Variants in UTP20 observed in about 807,000 individuals in gnomAD.
The protein encoded by UTP20 is small subunit processome component 20 homolog.
A neutral mutation model predicts 329.5 loss-of-function variants in UTP20; 164 were observed. The ratio of observed to expected loss-of-function variants is 0.50; its 90% CI spans 0.44 to 0.57. The LOEUF (loss-of-function observed/expected upper bound fraction) is 0.57, where lower values mean the gene tolerates loss of function less well. Among genes scored for constraint, UTP20 ranks in the 20% least tolerant of loss-of-function variants. The pLI is 0.00. For synonymous variants in UTP20, 1,151 were observed against 1,159.3 expected (o/e 0.99, Z 0.14); for missense variants, 3,055 against 3,284.2 (o/e 0.93, Z 1.71).
At position 101,345,673 on chromosome 12, in the gene UTP20, T is replaced by G. The variant is rs1482570821; in HGVS notation, c.4725T>G (p.Phe1575Leu). The change falls in exon 37 of 62, where the codon TTT (phenylalanine) becomes TTG (leucine). Residue 1575 changes from phenylalanine to leucine, a missense_variant. By Grantham distance (22) the Phe-to-Leu change is conservative. This residue lies in a region of UTP20 where 2,445 missense variants were observed against 2,575.5 expected (regional missense o/e 0.95). Transcript: ENST00000261637. Reference protein sequence around the residue: ...THYHDPEMDFFENMKHIQIHR... With the variant: ...THYHDPEMDFLENMKHIQIHR... The stretch of plus-strand genomic sequence containing the variant: ...ACCATGACCCAGAAATGGACTTCTT[T>G]GAGAACATGAAGCACATTCAGGTAG... The G allele has an allele frequency of 6.2e-7, 1 of 1,609,520 alleles. No homozygotes were observed. The highest frequency in any genetic ancestry group is 1.7e-5 in the Admixed American group (1 of 58,714).
At chr12:101,369,960 T>C in intron 49 of UTP20, 69 bp downstream of exon 49, 1 of 1,483,304 alleles carries the variant, frequency 6.7e-7, no homozygotes, top group Non-Finnish European at 9.1e-7. Flanking sequence ...GTACCTATAA[T>C]CCCAGCACTT....
At chr12:101,361,603 G>A (rs556467918) in intron 43 of UTP20, among the ~76,000 whole-genome samples, 103 of 151,442 alleles carry the variant, frequency 6.8e-4, no homozygotes, top group Non-Finnish European at 1.1e-3. Context: ...TCCAGCCTGC[G>A]CTACAAGAGC....
At position 101,383,816 on chromosome 12, in the gene UTP20, TTA is replaced by T. The variant is rs981471956; in HGVS notation, c.8056+153_8056+154del. 128 of 248,834 alleles carry T rather than the reference TTA, an allele frequency of 5.1e-4. 1 individual carries two copies. In the Middle Eastern group the frequency reaches 0.011, roughly 21 times the overall value. 15.4% of individuals were successfully genotyped at this position (248,834 alleles called of 1,614,324 possible). On this transcript the variant is annotated intron_variant, in intron 60 of 61. Transcript: ENST00000261637. The stretch of plus-strand genomic sequence containing the variant: ...TATATTTTAATTATATATTATATAC[TTA>T]TATATGTTTATATTTATATATATAC...
intron 36 of UTP20, 88 bp from the exon 37 acceptor site, chr12:101,345,466 T>G (rs1869291495): frequency 1.0e-6 from 1 of 990,790 alleles, no homozygotes; most frequent in Non-Finnish European, 1.4e-6. Flanking sequence ...ATTTTACTTT[T>G]TAAAATTTTA....
chr12:101,370,844 A>G (rs1317690225), intron 50 of UTP20, among the ~76,000 whole-genome samples: 4 of 152,176 alleles, frequency 2.6e-5, no homozygotes, highest in African/African-American at 4.8e-5. Context: ...CATAACATAA[A>G]ACTCACCATT....
chr12:101,286,245 C>A, intron 4 of UTP20, 76 bp from the exon 5 acceptor site: 2 of 1,292,620 alleles, frequency 1.5e-6, no homozygotes, highest in Non-Finnish European at 2.1e-6. Flanking sequence ...TGATCATAGG[C>A]CACCTACTAT....
chr12:101,365,502 A>G lies in UTP20; in HGVS notation c.6002A>G (p.His2001Arg), dbSNP rs948183973. ...TTSLKLARKV[H>R]ETLRRITVGL... Reference sequence around the variant, plus strand: ...AGTTTGAAACTGGCCCGGAAAGTTCATGAAACTTTACGCCGAATCACAGTG... The same window carrying G: ...AGTTTGAAACTGGCCCGGAAAGTTCGTGAAACTTTACGCCGAATCACAGTG... The change falls in exon 46 of 62, where the codon CAT becomes CGT. Residue 2001 changes from histidine to arginine, a missense_variant. Around this residue, in one of 3 missense-constraint regions of UTP20, gnomAD observed 2,445 missense variants for 2,575.5 expected, o/e 0.95. Transcript: ENST00000261637. The G allele has an allele frequency of 6.2e-6, 10 of 1,611,784 alleles. No homozygotes were observed. Among genetic ancestry groups the G allele is most frequent in the Non-Finnish European group, 8.5e-6 (10 of 1,179,432 alleles).
At chr12:101,375,809 C>G (rs531016637) in intron 56 of UTP20, 53 bp downstream of exon 56, 26 of 1,142,700 alleles carry the variant, frequency 2.3e-5, no homozygotes, top group Admixed American at 8.9e-5. Context: ...CATAGAATTA[C>G]TGAAAGTAGA....
At chr12:101,343,878 A>G (rs189674113) in intron 35 of UTP20, among the ~76,000 whole-genome samples, 114 of 152,340 alleles carry the variant, frequency 7.5e-4, no homozygotes, top group Admixed American at 1.2e-3. Context: ...TAAACATGCA[A>G]CTATACTAAT....
At chr12:101,293,106 C>T in intron 10 of UTP20, 62 bp from the exon 11 acceptor site, 1 of 1,524,966 alleles carries the variant, frequency 6.6e-7, no homozygotes, top group Non-Finnish European at 9.1e-7. Flanking sequence ...TAGCTGCTTG[C>T]TGGGGGGATG....
At chr12:101,363,159 ATAAT>A (rs201971480) in intron 44 of UTP20, among the ~76,000 whole-genome samples, 2,251 of 150,810 alleles carry the variant, frequency 0.015, 802 homozygotes, top group African/African-American at 0.054. Flanking sequence ...AATTAGACTA[ATAAT>A]TAATTAGATT....
Position 101,320,773 on chromosome 12 carries a change from G to A in UTP20, c.2830-79G>A, listed in dbSNP as rs533942816. The A allele has an allele frequency of 1.3e-5, 16 of 1,261,536 alleles. No homozygotes were observed. The African/African-American group carries it at 1.5e-4, about 12-fold the overall frequency. The allele number at this position is 1,261,536 out of a possible 1,614,324, so 78.1% of individuals were successfully genotyped here. A position where few individuals can be genotyped will look rare whatever the true frequency, so the allele number is the denominator to read the frequency against. On this transcript the variant is annotated intron_variant, in intron 23 of 61. Coordinates refer to ENST00000261637, the MANE Select transcript of UTP20 (RefSeq NM_014503.3). ...TTTAGAATTTTTCAAATCTCATTTA[G>A]CAAATAACCACAAGTAAATTGCTAT...
intron 31 of UTP20, among the ~76,000 whole-genome samples, chr12:101,339,261 C>T (rs935021206): frequency 5.3e-5 from 8 of 151,898 alleles, no homozygotes; most frequent in South Asian, 2.1e-4. Flanking sequence ...TGCAGTGAGC[C>T]GAGATCGCGC....
At position 101,293,161 on chromosome 12, in the gene UTP20, G is replaced by A; in HGVS notation, c.1174-7G>A. 6.2e-7 allele frequency: 1 copy of A among 1,613,492 alleles called. No individual in the cohort carries two copies. Among genetic ancestry groups the A allele is most frequent in the Non-Finnish European group, 8.5e-7 (1 of 1,179,526 alleles). On this transcript the variant is annotated splice_polypyrimidine_tract_variant and splice_region_variant and intron_variant, in intron 10 of 61. Transcript: ENST00000261637. ...ACTTACATTAATATTTTTTACCTTG[G>A]TCACAGATATTTGAGAGCAGATTTG...
chr12:101,383,641 G>A lies in UTP20; in HGVS notation c.8028G>A (p.Arg2676=), dbSNP rs2121070320. ...CAATGATCATAGCTCCTTTGTTTCG[G>A]GAACTCAACAGCACCTATTCAGAGC... The part of the protein sequence containing the change: ...YLPMIIAPLF[R]ELNSTYSEQD... The change falls in exon 60 of 62, where the codon CGG becomes CGA. Residue 2676 remains arginine (R), a synonymous_variant. Coordinates refer to ENST00000261637, the MANE Select transcript of UTP20 (RefSeq NM_014503.3). The A allele has an allele frequency of 1.2e-6, 2 of 1,613,408 alleles. No homozygotes were observed. The highest frequency in any genetic ancestry group is 1.7e-6 in the Non-Finnish European group (2 of 1,179,650).
intron 1 of UTP20, 95 bp downstream of exon 1, chr12:101,280,422 G>A: frequency 6.9e-7 from 1 of 1,456,846 alleles, no homozygotes; most frequent in South Asian, 1.2e-5. Flanking sequence ...CAGACTTCTG[G>A]GCCGAGTGTG....
At chr12:101,324,794 G>T (rs552555854) in intron 25 of UTP20, among the ~76,000 whole-genome samples, 3 of 152,132 alleles carry the variant, frequency 2.0e-5, no homozygotes, top group African/African-American at 7.2e-5. Flanking sequence ...CTTTTGATTT[G>T]AGGAGAAGTT....
At chr12:101,340,746 T>C in intron 32 of UTP20, 136 bp downstream of exon 32, 1 of 606,750 alleles carries the variant, frequency 1.6e-6, no homozygotes, top group Non-Finnish European at 2.9e-6. Flanking sequence ...TATATAGAAA[T>C]TAAAAAAATT....
chr12:101,345,567 A>T lies in UTP20; in HGVS notation c.4619A>T (p.Asp1540Val), dbSNP rs1369215771. The change falls in exon 37 of 62, where the codon GAT (aspartate) becomes GTT (valine). Residue 1540 changes from aspartate to valine, a missense_variant. Transcript: ENST00000261637. ...TCATATTTACAGAGTATTCAGCAGGATTATACCACAATACTTTCCTGTTTA... is the reference window on the plus strand; with the variant it reads ...TCATATTTACAGAGTATTCAGCAGGTTTATACCACAATACTTTCCTGTTTA... ...LKSQTESIQQ[D>V]YTTILSCLIQ... is the part of the protein sequence containing the mutation. 1 of 1,592,496 alleles carries T rather than the reference A, an allele frequency of 6.3e-7. No homozygotes were observed. The highest frequency in any genetic ancestry group is 8.6e-7 in the Non-Finnish European group (1 of 1,164,832).
Sources: gnomAD v4.1 joint callset for allele counts (sites outside exome capture counted in the v4.1 genomes callset) on GRCh38, gnomAD v4.1.1 for gene constraint, gnomAD v4.1.1 regional missense constraint, MANE v1.5 for transcripts, NCBI Gene and HGNC (gene_info 2026-07-23, HGNC 2026-07-21) for gene names.